Variants in GTF2I observed in about 807,000 individuals in gnomAD.
GTF2I encodes general transcription factor II-I.
GTF2I carries 12 observed loss-of-function variants against 67.6 expected under a neutral mutation model. The ratio of observed to expected loss-of-function variants is 0.18; its 90% CI spans 0.11 to 0.29. GTF2I has a LOEUF of 0.29. Among genes scored for constraint, GTF2I ranks in the 10% least tolerant of loss-of-function variants. The pLI, the probability that GTF2I is intolerant of heterozygous loss-of-function variation, is 1.00. For synonymous variants in GTF2I, 149 were observed against 197.0 expected (o/e 0.76, Z 2.04); for missense variants, 271 against 580.1 (o/e 0.47, Z 5.47).
At chr7:74,732,351 G>A (rs1416245723) in intron 14 of GTF2I, 128 bp from the exon 15 acceptor site, 19 of 1,210,030 alleles carry the variant, frequency 1.6e-5, no homozygotes, top group South Asian at 2.2e-5. Flanking sequence ...TGCAGCCTGG[G>A]AGACACAGCA....
At chr7:74,658,431 TGCGATCCCGCGCGCGAGCGA>T (rs1459133755) in intron 1 of GTF2I, among the ~76,000 whole-genome samples, 3 of 141,700 alleles carry the variant, frequency 2.1e-5, no homozygotes, top group Admixed American at 6.9e-5. Flanking sequence ...GCCTCGCGCG[TGCGATCCCGCGCGCGAGCGA>T]GCGAGCGGCC....
intron 11 of GTF2I, among the ~76,000 whole-genome samples, chr7:74,717,509 G>A (rs1290869552): frequency 2.0e-5 from 3 of 152,078 alleles, no homozygotes; most frequent in Non-Finnish European, 4.4e-5. Flanking sequence ...TTAGAATCCT[G>A]AGTTCAACTT....
intron 6 of GTF2I, among the ~76,000 whole-genome samples, chr7:74,702,737 C>CTT (rs782239295): frequency 3.5e-5 from 5 of 142,026 alleles, no homozygotes; most frequent in East Asian, 2.0e-4. Flanking sequence ...TTCTTTCTTT[C>CTT]TTTTTTTTTT....
At chr7:74,670,621 C>T (rs369731080) in intron 1 of GTF2I, among the ~76,000 whole-genome samples, 8 of 148,124 alleles carry the variant, frequency 5.4e-5, no homozygotes, top group South Asian at 2.2e-4. Flanking sequence ...ACCTGGGAGA[C>T]GGAGGTTGCA....
chr7:74,716,692 T>G (rs1277056470), intron 10 of GTF2I: 1 of 487,318 alleles, frequency 2.1e-6, no homozygotes, highest in East Asian at 3.1e-5. Context: ...TGTTTTCAAA[T>G]AATTTTTTTA....
chr7:74,683,195 C>A (rs1554394523), intron 1 of GTF2I, among the ~76,000 whole-genome samples: 1 of 152,062 alleles, frequency 6.6e-6, no homozygotes, highest in Admixed American at 6.6e-5. Context: ...AAAATCTACA[C>A]CTAGAATACA....
intron 1 of GTF2I, 61 bp from the exon 2 acceptor site, chr7:74,689,063 G>T: frequency 1.1e-6 from 1 of 941,364 alleles, no homozygotes; most frequent in Non-Finnish European, 1.7e-6. Flanking sequence ...TCACAGCTTT[G>T]GCTGTGGGTT....
At chr7:74,731,467 A>G (rs1794469346) in intron 14 of GTF2I, among the ~76,000 whole-genome samples, 3 of 148,012 alleles carry the variant, frequency 2.0e-5, no homozygotes, top group African/African-American at 2.5e-5. Flanking sequence ...TTAGTGGTTT[A>G]CTTAAGGTTC....
intron 3 of GTF2I, among the ~76,000 whole-genome samples, chr7:74,692,785 G>C (rs1037781857): frequency 2.6e-5 from 4 of 152,032 alleles, no homozygotes; most frequent in Non-Finnish European, 5.9e-5. Context: ...TTTTTGAGAC[G>C]GAGTTTTGCT....
chr7:74,661,462 C>G (rs960841630), intron 1 of GTF2I, among the ~76,000 whole-genome samples: 1 of 152,096 alleles, frequency 6.6e-6, no homozygotes, highest in Non-Finnish European at 1.5e-5. Flanking sequence ...GGTGGAACAC[C>G]TGAAGTCAGG....
intron 6 of GTF2I, among the ~76,000 whole-genome samples, chr7:74,702,450 TC>T: frequency 6.6e-6 from 1 of 152,024 alleles, no homozygotes; most frequent in Non-Finnish European, 1.5e-5. Flanking sequence ...ATGGTCTCAA[TC>T]TCTTGACCTC....
intron 1 of GTF2I, among the ~76,000 whole-genome samples, chr7:74,665,338 G>A (rs587718152): frequency 6.6e-6 from 1 of 151,764 alleles, no homozygotes; most frequent in South Asian, 2.1e-4. Context: ...TACAACCCCT[G>A]CCTCTCGGGT....
chr7:74,747,731 G>A (rs1442443049), intron 23 of GTF2I, among the ~76,000 whole-genome samples: 3 of 47,820 alleles, frequency 6.3e-5, no homozygotes, highest in African/African-American at 1.3e-4. Context: ...GGCAGAGGTT[G>A]TGGTGAGCCG....
rs150030916 is a variant in GTF2I, at chr7:74,719,378, C to T, written c.943+437C>T. Among the ~76,000 whole-genome samples, 487 of 152,202 alleles carry T rather than the reference C, an allele frequency of 3.2e-3. 1 individual carries two copies. Among genetic ancestry groups the T allele is most frequent in the African/African-American group, 0.011 (451 of 41,546 alleles). On this transcript the variant is annotated intron_variant, in intron 12 of 34. Coordinates refer to ENST00000573035, the MANE Select transcript of GTF2I (RefSeq NM_032999.4). ...CAAGTCCCTGCCCCCTTCAACGACC[C>T]GCAAATACTACTTAGAGGCTGACAT...
At chr7:74,677,831 A>G (rs587766110) in intron 1 of GTF2I, among the ~76,000 whole-genome samples, 1 of 150,126 alleles carries the variant, frequency 6.7e-6, no homozygotes, top group South Asian at 2.1e-4. Flanking sequence ...CCTCTTATAC[A>G]AAAGATAACT....
At chr7:74,667,357 C>G (rs918901761) in intron 1 of GTF2I, among the ~76,000 whole-genome samples, 11 of 151,996 alleles carry the variant, frequency 7.2e-5, no homozygotes, top group African/African-American at 2.7e-4. Context: ...AAAAGAAAAT[C>G]CTGTAAGATG....
intron 6 of GTF2I, among the ~76,000 whole-genome samples, chr7:74,702,754 G>C (rs1554400211): frequency 7.0e-6 from 1 of 143,672 alleles, no homozygotes; most frequent in Non-Finnish European, 1.5e-5. Context: ...TTTTTTTTGA[G>C]ACAGGGTCTC....
chr7:74,680,099 A>AAAAAAAAAAAAAAAAAATATATAT, intron 1 of GTF2I, among the ~76,000 whole-genome samples: 1 of 95,002 alleles, frequency 1.1e-5, no homozygotes, highest in African/African-American at 4.0e-5. Context: ...AAAAAAAAAA[A>AAAAAAAAAAAAAAAAAATATATAT]ATATATATAT....
intron 1 of GTF2I, among the ~76,000 whole-genome samples, chr7:74,679,100 A>G (rs1786972177): frequency 6.7e-6 from 1 of 149,316 alleles, no homozygotes; most frequent in Admixed American, 6.8e-5. Context: ...ATTTTTTGAG[A>G]TGGAGTCTCA....
Sources: gnomAD v4.1 joint callset for allele counts (sites outside exome capture counted in the v4.1 genomes callset) on GRCh38, gnomAD v4.1.1 for gene constraint, MANE v1.5 for transcripts, NCBI Gene and HGNC (gene_info 2026-07-23, HGNC 2026-07-21) for gene names.